ALX1: variants seen among roughly 807,000 people sequenced by gnomAD.
The protein encoded by ALX1 is ALX homeobox 1, also known as ALX homeobox protein 1.
In ALX1, 19 loss-of-function variants were observed where a neutral mutation model predicts 31.7. That is an observed-to-expected ratio of 0.60 (90% CI 0.42 to 0.88). The LOEUF (loss-of-function observed/expected upper bound fraction) is 0.88, where lower values mean the gene tolerates loss of function less well. Among genes scored for constraint, ALX1 ranks in the 40% least tolerant of loss-of-function variants. ALX1 has a pLI of 0.00. For missense variants in ALX1, 415 were observed against 407.8 expected (o/e 1.02, Z -0.15); for synonymous variants, 153 against 148.8 (o/e 1.03, Z -0.20).
intron 3 of ALX1, among the ~76,000 whole-genome samples, chr12:85,292,737 G>C (rs1896834342): frequency 6.6e-6 from 1 of 150,746 alleles, no homozygotes; most frequent in Non-Finnish European, 1.5e-5. Context: ...ATCTACCCTG[G>C]TTTTAATGGC....
chr12:85,286,167 AT>A, intron 2 of ALX1, among the ~76,000 whole-genome samples: 1 of 152,056 alleles, frequency 6.6e-6, no homozygotes, highest in African/African-American at 2.4e-5. Flanking sequence ...TGCATAATGT[AT>A]GTAATAAGCA....
At chr12:85,293,539 T>C (rs1051609293) in intron 3 of ALX1, among the ~76,000 whole-genome samples, 5 of 150,860 alleles carry the variant, frequency 3.3e-5, no homozygotes, top group Admixed American at 6.6e-5. Flanking sequence ...TGCACTCCTG[T>C]CAATTATGAA....
At chr12:85,291,313 A>G (rs1466915424) in intron 3 of ALX1, among the ~76,000 whole-genome samples, 1 of 151,062 alleles carries the variant, frequency 6.6e-6, no homozygotes, top group African/African-American at 2.4e-5. Context: ...TGCTTTGTAG[A>G]AAGACTAAAA....
chr12:85,283,748 C>T lies in ALX1; in HGVS notation c.403C>T (p.His135Tyr), dbSNP rs1374617547. 6.2e-7 allele frequency: 1 copy of T among 1,614,074 alleles called. No individual in the cohort carries two copies. Among genetic ancestry groups the T allele is most frequent in the Non-Finnish European group, 8.5e-7 (1 of 1,179,994 alleles). Residue 135 changes from histidine to tyrosine, a missense_variant, in exon 2 of 4, where the codon CAC becomes TAC. Coordinates refer to ENST00000316824, the MANE Select transcript of ALX1 (RefSeq NM_006982.3). ...TGTATCCAGCAGTAAGAAACGGAGG[C>T]ACCGAACCACCTTCACCAGTTTGCA... ...SNVSSSKKRR[H>Y]RTTFTSLQLE...
intron 2 of ALX1, among the ~76,000 whole-genome samples, chr12:85,284,870 G>A (rs1476029987): frequency 6.6e-6 from 1 of 152,024 alleles, no homozygotes; most frequent in Non-Finnish European, 1.5e-5. Context: ...GAATAAAATA[G>A]TGAAAATTTT....
At chr12:85,285,450 TG>T (rs1461402025) in intron 2 of ALX1, among the ~76,000 whole-genome samples, 1 of 152,046 alleles carries the variant, frequency 6.6e-6, no homozygotes, top group Non-Finnish European at 1.5e-5. Flanking sequence ...AAATTTGATT[TG>T]TTTTTTGTTG....
chr12:85,289,341 T>C (rs370662706), intron 3 of ALX1, among the ~76,000 whole-genome samples: 3 of 151,222 alleles, frequency 2.0e-5, no homozygotes, highest in African/African-American at 7.3e-5. Context: ...TTCCCTAAGA[T>C]TATCTTACCA....
At chr12:85,296,291 A>G (rs531561469) in intron 3 of ALX1, among the ~76,000 whole-genome samples, 2 of 150,156 alleles carry the variant, frequency 1.3e-5, no homozygotes, top group East Asian at 3.9e-4. Context: ...ACAGTAAAAA[A>G]CTCTTAGTAT....
rs569585987 is a variant in ALX1 at position 85,288,938 on chromosome 12, A to G, written c.660+1957A>G. Among the ~76,000 whole-genome samples the G allele has an allele frequency of 2.0e-5, 3 of 151,598 alleles. No homozygotes were observed. The South Asian group carries it at 6.2e-4, about 31-fold the overall frequency. On this transcript the variant is annotated intron_variant, in intron 3 of 3. Transcript: ENST00000316824. ...ATAGGTGAAATGGAGAATGGTTTAT[A>G]TCATTTTGAACTACTTGACTGTGGT...
At chr12:85,297,573 T>A (rs528051132) in intron 3 of ALX1, among the ~76,000 whole-genome samples, 2 of 151,810 alleles carry the variant, frequency 1.3e-5, no homozygotes, top group East Asian at 1.9e-4. Context: ...AATTTTTTTT[T>A]AAACAGGTGA....
chr12:85,280,586 G>A lies in ALX1; in HGVS notation c.226+99G>A, dbSNP rs559221908. 21 of 1,298,678 alleles carry A rather than the reference G, an allele frequency of 1.6e-5. No homozygotes were observed. The East Asian group carries it at 5.0e-4, about 31-fold the overall frequency. The allele number at this position is 1,298,678 out of a possible 1,614,324, so 80.4% of individuals were successfully genotyped here. A position where few individuals can be genotyped will look rare whatever the true frequency, so the allele number is the denominator to read the frequency against. ...GCAGGGAGGGAGAAAGGAGAAAAGT[G>A]GGAGCGAGGGACCTGGAAGGTGGAG... On this transcript the variant is annotated intron_variant, in intron 1 of 3. Coordinates refer to ENST00000316824, the MANE Select transcript of ALX1 (RefSeq NM_006982.3).
At chr12:85,283,475 C>T (rs1321070709) in intron 1 of ALX1, 97 bp from the exon 2 acceptor site, 5 of 1,263,812 alleles carry the variant, frequency 4.0e-6, no homozygotes, top group Non-Finnish European at 5.7e-6. Flanking sequence ...TATTAATAGG[C>T]CAATTTCTTG....
chr12:85,294,782 GA>G (rs1896864866), intron 3 of ALX1, among the ~76,000 whole-genome samples: 1 of 149,606 alleles, frequency 6.7e-6, no homozygotes, highest in South Asian at 2.1e-4. Flanking sequence ...ATTTAATGGT[GA>G]TTTTTTTTTT....
intron 3 of ALX1, 104 bp downstream of exon 3, chr12:85,287,085 A>T (rs745365683): frequency 4.0e-5 from 54 of 1,344,362 alleles, no homozygotes; most frequent in Non-Finnish European, 5.6e-5. Context: ...AATAGCCAAG[A>T]ATGAAAATCT....
At chr12:85,288,793 G>T (rs566213265) in intron 3 of ALX1, among the ~76,000 whole-genome samples, 1 of 151,588 alleles carries the variant, frequency 6.6e-6, no homozygotes, top group African/African-American at 2.4e-5. Context: ...CCTGACAATA[G>T]ACTGTCTCTA....
At chr12:85,281,321 A>G (rs1325483577) in intron 1 of ALX1, among the ~76,000 whole-genome samples, 1 of 152,234 alleles carries the variant, frequency 6.6e-6, no homozygotes, top group Non-Finnish European at 1.5e-5. Flanking sequence ...CAAACCATCT[A>G]TCTTTTCTAT....
At position 85,282,905 on chromosome 12, in the gene ALX1, A is replaced by T. The variant is rs557091402; in HGVS notation, c.227-667A>T. Among the ~76,000 whole-genome samples, 399 of 152,306 alleles carry T rather than the reference A, an allele frequency of 2.6e-3. 3 individuals carry two copies. The highest frequency in any genetic ancestry group is 8.8e-3 in the African/African-American group (364 of 41,560). On this transcript the variant is annotated intron_variant, in intron 1 of 3. Transcript: ENST00000316824. ...CTGCGTAAGTTTTTAGGTAAAAAAA[A>T]AAAATGCTGCTTAAATCTAATTTCC...
intron 1 of ALX1, among the ~76,000 whole-genome samples, chr12:85,280,939 C>G (rs1388514606): frequency 6.7e-6 from 1 of 150,046 alleles, no homozygotes; most frequent in South Asian, 2.1e-4. Flanking sequence ...GAAAAAAAAA[C>G]CGGAAAACAA....
intron 3 of ALX1, 140 bp from the exon 4 acceptor site, chr12:85,301,015 A>C: frequency 1.3e-6 from 1 of 791,588 alleles, no homozygotes; most frequent in Non-Finnish European, 2.1e-6. Flanking sequence ...TTTTTTAGTC[A>C]TTGTTGTATG....
Sources: allele counts gnomAD v4.1 joint callset (sites outside exome capture counted in the v4.1 genomes callset), GRCh38; gene constraint gnomAD v4.1.1; transcripts MANE v1.5; gene names NCBI Gene and HGNC (gene_info 2026-07-23, HGNC 2026-07-21).